Variants in CHCHD6 observed in about 807,000 individuals in gnomAD.
The protein encoded by CHCHD6 is MICOS complex subunit MIC25.
CHCHD6 carries 28 observed loss-of-function variants against 32.3 expected under a neutral mutation model. The observed-to-expected ratio is 0.87, with a 90% confidence interval of 0.64 to 1.19. The LOEUF is 1.19. Among genes scored for constraint, CHCHD6 ranks in the 50% most tolerant of loss-of-function variants. The probability of loss-of-function intolerance (pLI) is 0.00; values close to 1 mark genes in which losing one functional copy is unlikely to be tolerated. For missense variants in CHCHD6, 333 were observed against 307.0 expected (o/e 1.08, Z -0.63); for synonymous variants, 122 against 117.5 (o/e 1.04, Z -0.25).
chr3:126,954,610 C>T (rs2078758624), intron 6 of CHCHD6, among the ~76,000 whole-genome samples: 1 of 152,236 alleles, frequency 6.6e-6, no homozygotes, highest in African/African-American at 2.4e-5. Context: ...TGGGGCTTCC[C>T]CTGAGCCACT....
intron 1 of CHCHD6, among the ~76,000 whole-genome samples, chr3:126,717,439 G>A (rs771840603): frequency 3.3e-5 from 5 of 152,134 alleles, no homozygotes; most frequent in Admixed American, 6.5e-5. Flanking sequence ...CCTTTTAGTC[G>A]CGAGGTGGCC....
At chr3:126,848,013 T>C (rs943394976) in intron 4 of CHCHD6, among the ~76,000 whole-genome samples, 3 of 152,198 alleles carry the variant, frequency 2.0e-5, no homozygotes, top group African/African-American at 7.2e-5. Context: ...AGAGTCTTAC[T>C]CTCTTCTCCA....
intron 4 of CHCHD6, among the ~76,000 whole-genome samples, chr3:126,827,472 G>A (rs974659924): frequency 4.6e-5 from 7 of 152,152 alleles, no homozygotes; most frequent in African/African-American, 1.7e-4. Flanking sequence ...AAGGATGGAG[G>A]GCCCATCTGA....
At chr3:126,739,624 T>C (rs1001151615) in intron 4 of CHCHD6, among the ~76,000 whole-genome samples, 2 of 152,262 alleles carry the variant, frequency 1.3e-5, no homozygotes, top group African/African-American at 2.4e-5. Flanking sequence ...TTCAGTCTTC[T>C]GATATGTAAA....
chr3:126,781,777 A>G (rs1297243213), intron 4 of CHCHD6, among the ~76,000 whole-genome samples: 1 of 152,032 alleles, frequency 6.6e-6, no homozygotes, highest in Non-Finnish European at 1.5e-5. Context: ...CTCCTTCTTT[A>G]TCCTTGTCTC....
intron 3 of CHCHD6, 39 bp from the exon 4 acceptor site, chr3:126,733,039 C>A: frequency 6.2e-7 from 1 of 1,606,958 alleles, no homozygotes; most frequent in Non-Finnish European, 8.5e-7. Flanking sequence ...GCCCGTCATG[C>A]CATCCACATC....
rs555920219 is a variant in CHCHD6, at chr3:126,743,290, G to A, written c.411+10068G>A. 1.4e-4 allele frequency among the ~76,000 whole-genome samples: 22 copies of A among 152,296 alleles called. No individual in the cohort carries two copies. The South Asian group carries it at 4.3e-3, about 30-fold the overall frequency. ...TTTGTTTAAGAAGCTGGAAGGACAC[G>A]TGGGTTTTGCAACCTGGGCTTATTT... is the stretch of plus-strand genomic sequence containing the variant. On this transcript the variant is annotated intron_variant, in intron 4 of 7. Transcript: ENST00000290913.
chr3:126,800,903 G>A (rs542524237), intron 4 of CHCHD6, among the ~76,000 whole-genome samples: 1 of 152,280 alleles, frequency 6.6e-6, no homozygotes, highest in East Asian at 1.9e-4. Flanking sequence ...TCAGTAAAAT[G>A]TTCTGATTAG....
At chr3:126,950,369 A>G (rs2078699672) in intron 6 of CHCHD6, among the ~76,000 whole-genome samples, 1 of 152,218 alleles carries the variant, frequency 6.6e-6, no homozygotes, top group African/African-American at 2.4e-5. Flanking sequence ...GTGGATCAGC[A>G]GGAAAGCCGA....
At chr3:126,777,782 A>G (rs1576403684) in intron 4 of CHCHD6, among the ~76,000 whole-genome samples, 1 of 152,226 alleles carries the variant, frequency 6.6e-6, no homozygotes. Flanking sequence ...TTAAGATATA[A>G]TTCACTTACC....
intron 6 of CHCHD6, among the ~76,000 whole-genome samples, chr3:126,929,946 G>A (rs1202586373): frequency 6.6e-6 from 1 of 152,202 alleles, no homozygotes; most frequent in Non-Finnish European, 1.5e-5. Flanking sequence ...GTACAAAAAT[G>A]AGGACCTCCA....
intron 4 of CHCHD6, among the ~76,000 whole-genome samples, chr3:126,845,198 A>T (rs755857638): frequency 7.9e-5 from 12 of 152,190 alleles, no homozygotes; most frequent in Middle Eastern, 3.4e-3. Context: ...AGCCATCTTG[A>T]TGTTTGATTT....
At chr3:126,908,096 A>G (rs1244823609) in intron 5 of CHCHD6, among the ~76,000 whole-genome samples, 1 of 151,956 alleles carries the variant, frequency 6.6e-6, no homozygotes, top group African/African-American at 2.4e-5. Context: ...AATCTGCTTC[A>G]GTGCCTGGCC....
intron 5 of CHCHD6, among the ~76,000 whole-genome samples, chr3:126,910,919 A>T (rs534329222): frequency 3.3e-5 from 5 of 152,304 alleles, no homozygotes; most frequent in Admixed American, 1.3e-4. Context: ...CCTCGCCCTG[A>T]CAAGGACGGG....
At chr3:126,880,686 G>A (rs187574839) in intron 5 of CHCHD6, among the ~76,000 whole-genome samples, 23 of 151,876 alleles carry the variant, frequency 1.5e-4, no homozygotes, top group Admixed American at 1.1e-3. Flanking sequence ...ATTTAAGGAT[G>A]AGTAAAAGGG....
At chr3:126,942,760 G>A (rs1212547164) in intron 6 of CHCHD6, among the ~76,000 whole-genome samples, 1 of 152,070 alleles carries the variant, frequency 6.6e-6, no homozygotes, top group Non-Finnish European at 1.5e-5. Context: ...TCTGAGCTCC[G>A]GGTGTGCTCC....
chr3:126,811,781 T>C (rs967080174), intron 4 of CHCHD6, among the ~76,000 whole-genome samples: 1 of 152,216 alleles, frequency 6.6e-6, no homozygotes, highest in Non-Finnish European at 1.5e-5. Flanking sequence ...AAAGGGACTT[T>C]ATCTCATATT....
chr3:126,903,939 C>T (rs965461709), intron 5 of CHCHD6, among the ~76,000 whole-genome samples: 4 of 152,214 alleles, frequency 2.6e-5, no homozygotes, highest in Admixed American at 1.3e-4. Flanking sequence ...TCCTGGTCTG[C>T]AGGCCCTGGG....
chr3:126,776,622 A>G (rs1035858891), intron 4 of CHCHD6, among the ~76,000 whole-genome samples: 14 of 152,226 alleles, frequency 9.2e-5, no homozygotes, highest in Non-Finnish European at 1.9e-4. Flanking sequence ...TTTGTCAAAT[A>G]TTGATAGCAA....
Sources: allele counts gnomAD v4.1 joint callset (sites outside exome capture counted in the v4.1 genomes callset), GRCh38; gene constraint gnomAD v4.1.1; transcripts MANE v1.5; gene names NCBI Gene and HGNC (gene_info 2026-07-23, HGNC 2026-07-21).